Variants in ALG2 observed in about 807,000 individuals in gnomAD.
ALG2 encodes the protein ALG2 alpha-1,3/1,6-mannosyltransferase.
In ALG2, 32 loss-of-function variants were observed where a neutral mutation model predicts 30.5. That is an observed-to-expected ratio of 1.05 (90% confidence interval 0.79 to 1.41). ALG2 has a LOEUF of 1.41. Ranked by LOEUF, ALG2 falls within the 40% of genes most tolerant of loss-of-function variation. The pLI is 0.00. For missense variants in ALG2, 574 were observed against 526.4 expected (o/e 1.09, Z -0.88); for synonymous variants, 253 against 224.8 (o/e 1.13, Z -1.12).
At chr9:99,220,041 C>T (rs1283440105) in intron 1 of ALG2, among the ~76,000 whole-genome samples, 1 of 152,180 alleles carries the variant, frequency 6.6e-6, no homozygotes, top group Non-Finnish European at 1.5e-5. Flanking sequence ...CCAAGGCGGA[C>T]AAAAGCATGG....
intron 1 of ALG2, among the ~76,000 whole-genome samples, chr9:99,221,304 G>C (rs1159323653): frequency 2.0e-5 from 3 of 152,172 alleles, no homozygotes; most frequent in African/African-American, 7.2e-5. Context: ...CAGATGTCTG[G>C]GCCCCACCTC....
chr9:99,217,789 T>C lies in ALG2; in HGVS notation c.*145A>G. 2.3e-6 allele frequency: 2 copies of C among 855,610 alleles called. No individual in the cohort carries two copies. Among genetic ancestry groups the C allele is most frequent in the South Asian group, 2.8e-5 (2 of 70,560 alleles). 53.0% of individuals were successfully genotyped at this position (855,610 alleles called of 1,614,324 possible). Reference sequence around the variant, plus strand: ...GAAAAGTGGACAGGGAGGTGTGGTATATAGGAAAGTGGCTCACATTCAAGA... The same window carrying C: ...GAAAAGTGGACAGGGAGGTGTGGTACATAGGAAAGTGGCTCACATTCAAGA... On this transcript the variant is annotated 3_prime_UTR_variant, in exon 2 of 2. Transcript: ENST00000476832.
At chr9:99,220,967 G>A in intron 1 of ALG2, 3 of 1,352,112 alleles carry the variant, frequency 2.2e-6, no homozygotes, top group Admixed American at 1.9e-5. Flanking sequence ...GATCCAGGTG[G>A]ACATTATTTA....
In ALG2 at chr9:99,218,176, T is replaced by G; in HGVS notation, c.1009A>C (p.Met337Leu). The part of the protein sequence containing the change: ...FGIVPLEAMY[M>L]QCPVIAVNSG... Reference sequence around the variant, plus strand: ...TTAACAGCAATGACTGGGCACTGCATGTACATGGCTTCCAGAGGGACAATG... The same window carrying G: ...TTAACAGCAATGACTGGGCACTGCAGGTACATGGCTTCCAGAGGGACAATG... The change falls in exon 2 of 2, where the codon ATG becomes CTG. Residue 337 changes from methionine (M) to leucine (L), a missense_variant. Transcript: ENST00000476832. 1 of 1,613,314 alleles carries G rather than the reference T, an allele frequency of 6.2e-7. No homozygotes were observed. The highest frequency in any genetic ancestry group is 1.1e-5 in the South Asian group (1 of 91,068).
rs767116632 is a variant in ALG2, at chr9:99,217,800, G to A, written c.*134C>T. On this transcript the variant is annotated 3_prime_UTR_variant, in exon 2 of 2. Transcript: ENST00000476832. ...AGGGAGGTGTGGTATATAGGAAAGT[G>A]GCTCACATTCAAGACTCAAGTTTAT... 2 of 953,858 alleles carry A rather than the reference G, an allele frequency of 2.1e-6. No individual in the cohort carries two copies. Among genetic ancestry groups the A allele is most frequent in the South Asian group, 2.7e-5 (2 of 72,894 alleles). The allele number at this position is 953,858 out of a possible 1,614,324, so 59.1% of individuals were successfully genotyped here.
At chr9:99,220,909 G>A (rs1411826682) in intron 1 of ALG2, 3 of 1,299,234 alleles carry the variant, frequency 2.3e-6, no homozygotes, top group Non-Finnish European at 3.0e-6. Context: ...TCTTTTTTAG[G>A]ATGGGGAAAA....
intron 1 of ALG2, 71 bp downstream of exon 1, chr9:99,221,476 A>C (rs899620378): frequency 1.4e-5 from 21 of 1,469,928 alleles, no homozygotes; most frequent in Non-Finnish European, 1.9e-5. Context: ...GTCTTCTCTC[A>C]GGGGTCATGC....
rs12554447 is a variant in ALG2 at position 99,220,900 on chromosome 9, C to T, written c.348+647G>A. The T allele has an allele frequency of 6.3e-3, 8,052 of 1,288,128 alleles. 31 individuals carry two copies. Among genetic ancestry groups the T allele is most frequent in the Non-Finnish European group, 7.7e-3 (7,509 of 977,802 alleles). 79.8% of individuals were successfully genotyped at this position (1,288,128 alleles called of 1,614,324 possible). ...AGTAAATGTTACTTTTTAAAGTCAT[C>T]TTTTTTAGGATGGGGAAAAATGCAC... On this transcript the variant is annotated intron_variant, in intron 1 of 1. Transcript: ENST00000476832.
At position 99,216,808 on chromosome 9, in the gene ALG2, A is replaced by T; in HGVS notation, c.*1126T>A. On this transcript the variant is annotated 3_prime_UTR_variant, in exon 2 of 2. Transcript: ENST00000476832. ...AGCTGAGGTATAGAGATCAATTTAC[A>T]CAAAATCATATAGGCTGTTAGGCTC... 2.2e-6 allele frequency: 1 copy of T among 454,186 alleles called. No homozygotes were observed. Among genetic ancestry groups the T allele is most frequent in the Non-Finnish European group, 4.4e-6 (1 of 226,808 alleles). 28.1% of individuals were successfully genotyped at this position (454,186 alleles called of 1,614,324 possible). A position where few individuals can be genotyped will look rare whatever the true frequency, so the allele number is the denominator to read the frequency against.
Position 99,218,561 on chromosome 9 carries a change from A to G in ALG2, c.624T>C (p.Phe208=). ...VLYPSLNVTS[F]DSVVPEKLDD... is the part of the protein sequence containing the mutation. ...CCAGCTTTTCAGGAACAACTGAGTCAAAGCTGGTGACATTTAGAGATGGAT... is the reference window on the plus strand; with the variant it reads ...CCAGCTTTTCAGGAACAACTGAGTCGAAGCTGGTGACATTTAGAGATGGAT... Residue 208 remains phenylalanine (F), a synonymous_variant, in exon 2 of 2, where the codon TTT becomes TTC. Coordinates refer to ENST00000476832, the MANE Select transcript of ALG2 (RefSeq NM_033087.4). 1 of 1,614,200 alleles carries G rather than the reference A, an allele frequency of 6.2e-7. No individual in the cohort carries two copies. Among genetic ancestry groups the G allele is most frequent in the South Asian group, 1.1e-5 (1 of 91,088 alleles).
Position 99,221,932 on chromosome 9 carries a change from G to T in ALG2, c.-38C>A. 3 of 1,543,528 alleles carry T rather than the reference G, an allele frequency of 1.9e-6. No individual in the cohort carries two copies. The highest frequency in any genetic ancestry group is 1.2e-5 in the South Asian group (1 of 85,194). On this transcript the variant is annotated 5_prime_UTR_variant, in exon 1 of 2. Transcript: ENST00000476832. Reference sequence around the variant, plus strand: ...GCAACTGCACCCCGCACCCTGATGGGGGTCTTCTGCGCAAGCTCCGCGCTC... The same window carrying T: ...GCAACTGCACCCCGCACCCTGATGGTGGTCTTCTGCGCAAGCTCCGCGCTC...
chr9:99,220,864 A>G (rs1007994393), intron 1 of ALG2: 49 of 1,139,662 alleles, frequency 4.3e-5, no homozygotes, highest in Non-Finnish European at 5.2e-5. Flanking sequence ...ATACTACTAA[A>G]TTTTTAATCG....
At position 99,218,646 on chromosome 9, in the gene ALG2, G is replaced by A; in HGVS notation, c.539C>T (p.Thr180Ile). The A allele has an allele frequency of 6.2e-7, 1 of 1,614,204 alleles. No homozygotes were observed. The highest frequency in any genetic ancestry group is 8.5e-7 in the Non-Finnish European group (1 of 1,180,014). ...GAATGTTTCCTTAAAAACAGCAGCT[G>A]TGAACTGGCTGTTGACTAAGATGCA... The part of the protein sequence containing the change: ...ADCILVNSQF[T>I]AAVFKETFKS... The change falls in exon 2 of 2, where the codon ACA becomes ATA. Residue 180 changes from threonine to isoleucine, a missense_variant. Thr to Ile is a moderately conservative substitution (Grantham distance 89). Coordinates refer to ENST00000476832, the MANE Select transcript of ALG2 (RefSeq NM_033087.4).
In ALG2 at chr9:99,217,291, C is replaced by T. The variant is rs1184872079; in HGVS notation, c.*643G>A. On this transcript the variant is annotated 3_prime_UTR_variant, in exon 2 of 2. Transcript: ENST00000476832. Reference sequence around the variant, plus strand: ...CACTTTACCCTAGTGTTCTGATTTCCAGTTTGGTTGTCATATCCATGTTCG... The same window carrying T: ...CACTTTACCCTAGTGTTCTGATTTCTAGTTTGGTTGTCATATCCATGTTCG... 1 of 454,092 alleles carries T rather than the reference C, an allele frequency of 2.2e-6. No individual in the cohort carries two copies. Among genetic ancestry groups the T allele is most frequent in the Non-Finnish European group, 4.4e-6 (1 of 226,794 alleles). 28.1% of individuals were successfully genotyped at this position (454,092 alleles called of 1,614,324 possible).
At position 99,217,505 on chromosome 9, in the gene ALG2, C is replaced by T. The variant is rs777702474; in HGVS notation, c.*429G>A. ...CCCTAACAGATGACAGTGAACACTT[C>T]GGTGGATTGAATCTGGGAACTACAA... is the stretch of plus-strand genomic sequence containing the variant. On this transcript the variant is annotated 3_prime_UTR_variant, in exon 2 of 2. Transcript: ENST00000476832. The T allele has an allele frequency of 4.6e-5, 21 of 454,976 alleles. No homozygotes were observed. Among genetic ancestry groups the T allele is most frequent in the South Asian group, 1.6e-4 (10 of 64,482 alleles). The allele number at this position is 454,976 out of a possible 1,614,324, so 28.2% of individuals were successfully genotyped here.
At chr9:99,219,079 GCTGT>G (rs1179900736) in intron 1 of ALG2, among the ~76,000 whole-genome samples, 30 of 152,244 alleles carry the variant, frequency 2.0e-4, no homozygotes, top group African/African-American at 2.9e-4. Flanking sequence ...CTTGTATAGT[GCTGT>G]CTAATAGAAA....
chr9:99,216,989 C>T lies in ALG2; in HGVS notation c.*945G>A. The T allele has an allele frequency of 2.2e-6, 1 of 454,074 alleles. No homozygotes were observed. Among genetic ancestry groups the T allele is most frequent in the Non-Finnish European group, 4.4e-6 (1 of 226,798 alleles). 28.1% of individuals were successfully genotyped at this position (454,074 alleles called of 1,614,324 possible). ...TAAACAGTGAACTATAAGTCAGTGT[C>T]ACGAAAATATCAGTGTCATGAAAAG... On this transcript the variant is annotated 3_prime_UTR_variant, in exon 2 of 2. Coordinates refer to ENST00000476832, the MANE Select transcript of ALG2 (RefSeq NM_033087.4).
chr9:99,218,317 G>A lies in ALG2; in HGVS notation c.868C>T (p.Gln290Ter), dbSNP rs1299274086. The A allele has an allele frequency of 6.8e-6, 11 of 1,614,102 alleles. No individual in the cohort carries two copies. The highest frequency in any genetic ancestry group is 9.3e-6 in the Non-Finnish European group (11 of 1,180,056). The change falls in exon 2 of 2, where the codon CAG (glutamine) becomes TAG (stop). Residue 290 changes from glutamine (Q) to a stop codon, truncating the protein, a stop_gained. Transcript: ENST00000476832. LOFTEE classifies it high-confidence loss of function. ...GTCACATACTGGCCAAGGTCGGACT[G>A]TTGGACCATTTTCTTCAATTCCTGA... is the stretch of plus-strand genomic sequence containing the variant. ...HYQELKKMVQ[Q>*]SDLGQYVTFL...
Position 99,221,735 on chromosome 9 carries a change from A to C in ALG2, c.160T>G (p.Tyr54Asp), listed in dbSNP as rs769969587. The C allele has an allele frequency of 6.3e-7, 1 of 1,598,680 alleles. No individual in the cohort carries two copies. Residue 54 changes from tyrosine to aspartate, a missense_variant, in exon 1 of 2, where the codon TAC becomes GAC. Transcript: ENST00000476832. ...GCSVKIWTAH[Y>D]DPGHCFAESR... ...TCGGCGAAACAGTGGCCCGGGTCGT[A>C]GTGCGCTGTCCAGATCTTCACGCTA...
Sources: allele counts gnomAD v4.1 joint callset (sites outside exome capture counted in the v4.1 genomes callset), GRCh38; gene constraint gnomAD v4.1.1; transcripts MANE v1.5; gene names NCBI Gene and HGNC (gene_info 2026-07-23, HGNC 2026-07-21).